Variants in ZNF536 observed in about 807,000 individuals in gnomAD.
ZNF536 encodes zinc finger protein 536.
A neutral mutation model predicts 84.5 loss-of-function variants in ZNF536; 13 were observed. That is an observed-to-expected ratio of 0.15 (90% CI 0.10 to 0.24). ZNF536 has a LOEUF of 0.24. ZNF536 is among the 10% of genes least tolerant of loss of function. ZNF536 has a pLI of 1.00. For missense variants in ZNF536, 1,536 were observed against 1,747.5 expected, an observed-to-expected ratio of 0.88 and a Z score of 2.16; for synonymous variants, 811 against 742.5, an observed-to-expected ratio of 1.09 and a Z score of -1.50.
At chr19:30,710,213 G>A (rs1392249170) in intron 1 of ZNF536, among the ~76,000 whole-genome samples, 10 of 152,226 alleles carry the variant, frequency 6.6e-5, no homozygotes, top group South Asian at 6.2e-4. Flanking sequence ...GATATGGGGA[G>A]ACTTATCTTC....
At chr19:30,553,375 G>A (rs1440465745) in intron 4 of ZNF536, among the ~76,000 whole-genome samples, 6 of 152,218 alleles carry the variant, frequency 3.9e-5, no homozygotes, top group Non-Finnish European at 7.3e-5. Context: ...GCATGGAACG[G>A]TTAAAAAGTG....
At chr19:30,669,371 G>A (rs1379839150) in intron 1 of ZNF536, among the ~76,000 whole-genome samples, 1 of 152,234 alleles carries the variant, frequency 6.6e-6, no homozygotes, top group Non-Finnish European at 1.5e-5. Flanking sequence ...GTGCCTGCGG[G>A]AGGGGCGGCC....
intron 1 of ZNF536, among the ~76,000 whole-genome samples, chr19:30,276,521 T>C: frequency 6.6e-6 from 1 of 152,204 alleles, no homozygotes; most frequent in Middle Eastern, 3.2e-3. Flanking sequence ...TTTTCACACA[T>C]ACTCAGCTTT....
Position 30,445,524 on chromosome 19 carries a change from G to C in ZNF536, c.1962G>C (p.Lys654Asn), listed in dbSNP as rs149326839. The C allele has an allele frequency of 6.2e-7, 1 of 1,614,002 alleles. No individual in the cohort carries two copies. The highest frequency in any genetic ancestry group is 8.5e-7 in the Non-Finnish European group (1 of 1,180,000). ...HQVVVHSRVH[K>N]RDRKGEEDGL... ...TGGTCGTGCACTCCCGTGTCCACAA[G>C]CGGGACCGCAAGGGCGAGGAGGATG... Residue 654 changes from lysine to asparagine, a missense_variant, in exon 2 of 5, where the codon AAG becomes AAC. Lys to Asn is a moderately conservative substitution (Grantham distance 94). Transcript: ENST00000355537. This position sits in a 1 kb window ranked among gnomAD's most constrained non-coding sequence, Gnocchi z 4.5.
chr19:30,678,708 G>A (rs570612969), intron 1 of ZNF536, among the ~76,000 whole-genome samples: 68 of 151,496 alleles, frequency 4.5e-4, no homozygotes, highest in African/African-American at 1.4e-3. Context: ...AGAATTCCTC[G>A]GAGCTCCTTG....
chr19:30,542,402 T>C (rs1486961281), intron 3 of ZNF536, among the ~76,000 whole-genome samples: 1 of 152,232 alleles, frequency 6.6e-6, no homozygotes, highest in African/African-American at 2.4e-5. Context: ...GGAGAGGTTA[T>C]CAATGATATT....
intron 1 of ZNF536, among the ~76,000 whole-genome samples, chr19:30,574,649 C>T (rs1476559971): frequency 6.6e-6 from 1 of 152,194 alleles, no homozygotes; most frequent in Non-Finnish European, 1.5e-5. Flanking sequence ...CTTGCATGCT[C>T]ACTTAGCTTG....
intron 1 of ZNF536, among the ~76,000 whole-genome samples, chr19:30,699,105 T>TG (rs780535756): frequency 2.0e-5 from 3 of 152,158 alleles, no homozygotes; most frequent in East Asian, 3.8e-4. Context: ...CATCAATATG[T>TG]GGGGGTTTTT....
intron 1 of ZNF536, among the ~76,000 whole-genome samples, chr19:30,391,413 C>G (rs1313406608): frequency 6.6e-6 from 1 of 152,124 alleles, no homozygotes; most frequent in African/African-American, 2.4e-5. Flanking sequence ...CCCATCTCTA[C>G]TAAATACAAA....
chr19:30,417,779 AG>A (rs1465384848), intron 1 of ZNF536, among the ~76,000 whole-genome samples: 1 of 152,138 alleles, frequency 6.6e-6, no homozygotes, highest in Non-Finnish European at 1.5e-5. Context: ...GTTTGTTTTT[AG>A]ACAGGGTCTT....
chr19:30,261,897 T>C (rs2025246459), intron 1 of ZNF536, among the ~76,000 whole-genome samples: 6 of 152,018 alleles, frequency 3.9e-5, no homozygotes. Flanking sequence ...TGGGGAGGGC[T>C]CCTGCACCCA....
chr19:30,517,884 C>A (rs938938849), intron 2 of ZNF536, among the ~76,000 whole-genome samples: 21 of 152,292 alleles, frequency 1.4e-4, no homozygotes, highest in African/African-American at 4.6e-4. Context: ...AGTCCTCTGC[C>A]CCCATTCCAT....
intron 2 of ZNF536, among the ~76,000 whole-genome samples, chr19:30,521,768 T>C (rs1421671739): frequency 1.3e-5 from 2 of 152,094 alleles, no homozygotes; most frequent in Non-Finnish European, 2.9e-5. Flanking sequence ...AGAAGCCAGC[T>C]GGGGGCCACT....
chr19:30,628,879 A>G (rs2048787775), intron 1 of ZNF536, among the ~76,000 whole-genome samples: 1 of 151,852 alleles, frequency 6.6e-6, no homozygotes, highest in Non-Finnish European at 1.5e-5. Context: ...TAATTGTTGT[A>G]TTTTTAGTAG....
chr19:30,454,604 A>G (rs1343654817), intron 2 of ZNF536, among the ~76,000 whole-genome samples: 1 of 152,206 alleles, frequency 6.6e-6, no homozygotes, highest in Non-Finnish European at 1.5e-5. Flanking sequence ...GCCCTGAAAA[A>G]TTGGAGTGAT....
chr19:30,490,766 C>T (rs1037986239), intron 2 of ZNF536, among the ~76,000 whole-genome samples: 7 of 152,064 alleles, frequency 4.6e-5, no homozygotes, highest in African/African-American at 1.7e-4. Context: ...GGATTGCCCA[C>T]GAAAGAGTTT....
At chr19:30,693,567 C>T (rs1010641633) in intron 1 of ZNF536, among the ~76,000 whole-genome samples, 3 of 149,040 alleles carry the variant, frequency 2.0e-5, no homozygotes, top group Non-Finnish European at 4.5e-5. Context: ...AAAGGAGGCT[C>T]ATTTCCTTTG....
Position 30,245,132 on chromosome 19 carries a change from A to G in ZNF536, c.-190+16459A>G, listed in dbSNP as rs535357843. On this transcript the variant is annotated intron_variant, in intron 1 of 5. Coordinates refer to the ZNF536 transcript ENST00000585628. ...CTCCATCCCACTTGAGGGCCATAGCACACCTGTTTCCTCTGCATGGGACCC... is the reference window on the plus strand; with the variant it reads ...CTCCATCCCACTTGAGGGCCATAGCGCACCTGTTTCCTCTGCATGGGACCC... Among the ~76,000 whole-genome samples, 3 of 152,222 alleles carry G rather than the reference A, an allele frequency of 2.0e-5. No homozygotes were observed. In the South Asian group the frequency reaches 6.2e-4, roughly 32 times the overall value.
intron 1 of ZNF536, among the ~76,000 whole-genome samples, chr19:30,232,376 C>G (rs2023130402): frequency 6.6e-6 from 1 of 152,094 alleles, no homozygotes; most frequent in African/African-American, 2.4e-5. Flanking sequence ...TACAATGCAT[C>G]CCGTCACCCA....
Sources: allele counts gnomAD v4.1 joint callset (sites outside exome capture counted in the v4.1 genomes callset), GRCh38; gene constraint gnomAD v4.1.1; non-coding constraint Gnocchi (gnomAD v3.1); transcripts MANE v1.5; gene names NCBI Gene and HGNC (gene_info 2026-07-23, HGNC 2026-07-21).